The following NRG3 variants were observed in gnomAD, a reference collection of about 807,000 sequenced individuals.
The protein encoded by NRG3 is neuregulin 3.
Under a neutral mutation model 66.9 loss-of-function variants are expected in NRG3, and 31 were observed. That is an observed-to-expected ratio of 0.46 (90% CI 0.35 to 0.63). The LOEUF (loss-of-function observed/expected upper bound fraction) is 0.63. NRG3 is among the 20% of genes least tolerant of loss of function. The probability of loss-of-function intolerance (pLI) is 0.00; values close to 1 mark genes in which losing one functional copy is unlikely to be tolerated. For synonymous variants in NRG3, 393 were observed against 359.4 expected, an observed-to-expected ratio of 1.09 and a Z score of -1.06; for missense variants, 910 against 878.9, an observed-to-expected ratio of 1.04 and a Z score of -0.45.
chr10:82,390,886 A>C (rs2086315364), intron 2 of NRG3, among the ~76,000 whole-genome samples: 1 of 152,200 alleles, frequency 6.6e-6, no homozygotes, highest in Non-Finnish European at 1.5e-5. Context: ...ATATGGGGAC[A>C]GCTCTGATGT....
chr10:82,859,693 A>G (rs1453859367), intron 3 of NRG3, among the ~76,000 whole-genome samples: 1 of 152,206 alleles, frequency 6.6e-6, no homozygotes, highest in Non-Finnish European at 1.5e-5. Context: ...ACTATTGTAC[A>G]ATGCGGCAAC....
chr10:82,303,095 T>C (rs2080500748), intron 1 of NRG3, among the ~76,000 whole-genome samples: 1 of 150,356 alleles, frequency 6.7e-6, no homozygotes, highest in Non-Finnish European at 1.5e-5. Flanking sequence ...GAAATATCTC[T>C]ATTTTCTTCA....
chr10:82,809,897 C>T (rs1270418736), intron 3 of NRG3, among the ~76,000 whole-genome samples: 2 of 151,288 alleles, frequency 1.3e-5, no homozygotes, highest in Non-Finnish European at 2.9e-5. Context: ...TTAAGATAAT[C>T]TACTGGGTTG....
chr10:82,565,765 T>C (rs529458946), intron 2 of NRG3, among the ~76,000 whole-genome samples: 1 of 152,194 alleles, frequency 6.6e-6, no homozygotes, highest in East Asian at 1.9e-4. Context: ...TTTCACCACC[T>C]TCTAATCTAG....
chr10:81,913,694 G>A (rs979270993), intron 1 of NRG3, among the ~76,000 whole-genome samples: 3 of 152,094 alleles, frequency 2.0e-5, no homozygotes, highest in African/African-American at 7.2e-5. Context: ...AAAGTGCTGG[G>A]ATTACAGGCA....
chr10:82,017,716 T>A (rs1589797473), intron 1 of NRG3, among the ~76,000 whole-genome samples: 1 of 152,366 alleles, frequency 6.6e-6, no homozygotes, highest in East Asian at 1.9e-4. Context: ...TTCATGTGTC[T>A]GTTGGCTGCA....
At chr10:82,121,323 A>G (rs557428994) in intron 1 of NRG3, among the ~76,000 whole-genome samples, 14 of 152,290 alleles carry the variant, frequency 9.2e-5, no homozygotes, top group African/African-American at 2.4e-4. Context: ...GGCATAGACT[A>G]AGGGACACAT....
chr10:82,029,450 A>G (rs2062464484), intron 1 of NRG3, among the ~76,000 whole-genome samples: 1 of 152,128 alleles, frequency 6.6e-6, no homozygotes, highest in Non-Finnish European at 1.5e-5. Context: ...GGTTGTGGTT[A>G]TCTTGCAATA....
intron 2 of NRG3, among the ~76,000 whole-genome samples, chr10:82,692,251 CAAA>C (rs11323182): frequency 1.2e-4 from 15 of 120,748 alleles, no homozygotes; most frequent in African/African-American, 1.3e-4. Flanking sequence ...GATTCCATCT[CAAA>C]AAAAAAAAAA....
chr10:82,498,227 A>G (rs1379217696), intron 2 of NRG3, among the ~76,000 whole-genome samples: 1 of 152,118 alleles, frequency 6.6e-6, no homozygotes, highest in African/African-American at 2.4e-5. Flanking sequence ...GCTGTGAAAA[A>G]AAATCCATCA....
At chr10:81,909,274 C>A (rs527419515) in intron 1 of NRG3, among the ~76,000 whole-genome samples, 14 of 152,230 alleles carry the variant, frequency 9.2e-5, no homozygotes, top group Admixed American at 8.5e-4. Flanking sequence ...GGGTTTAAGG[C>A]CCATTCTACT....
intron 1 of NRG3, among the ~76,000 whole-genome samples, chr10:82,167,800 A>G (rs2133052795): frequency 6.6e-6 from 1 of 152,192 alleles, no homozygotes; most frequent in South Asian, 2.1e-4. Flanking sequence ...AAAAACTCCA[A>G]ATACATAAAG....
intron 2 of NRG3, among the ~76,000 whole-genome samples, chr10:82,471,209 T>C (rs954569021): frequency 6.6e-6 from 1 of 152,188 alleles, no homozygotes; most frequent in Non-Finnish European, 1.5e-5. Context: ...GCAAGAGTCC[T>C]GCAAGTAGAC....
In NRG3 at chr10:82,374,445, TA is replaced by T. The variant is rs555233589; in HGVS notation, c.953+15580del. ...TAAGAATCACCAAAGGCCATGGTTA[TA>T]AATATAGATTCTCAAGATCTTCCTC... On this transcript the variant is annotated intron_variant, in intron 2 of 8. Coordinates refer to ENST00000372141, the MANE Select transcript of NRG3 (RefSeq NM_001010848.4). 7.8e-4 allele frequency among the ~76,000 whole-genome samples: 119 copies of T among 152,342 alleles called. 1 individual carries two copies. The highest frequency in any genetic ancestry group is 2.8e-3 in the African/African-American group (115 of 41,572).
chr10:82,071,895 T>A (rs2064826424), intron 1 of NRG3, among the ~76,000 whole-genome samples: 1 of 152,204 alleles, frequency 6.6e-6, no homozygotes, highest in South Asian at 2.1e-4. Flanking sequence ...AAATTTTATA[T>A]TGTTTGAATG....
At chr10:82,513,199 A>G (rs1845355084) in intron 2 of NRG3, among the ~76,000 whole-genome samples, 1 of 152,210 alleles carries the variant, frequency 6.6e-6, no homozygotes, top group African/African-American at 2.4e-5. Flanking sequence ...AAGTGAGAAC[A>G]TGCAGTATTT....
chr10:82,468,439 A>G (rs988615306), intron 2 of NRG3, among the ~76,000 whole-genome samples: 1 of 152,232 alleles, frequency 6.6e-6, no homozygotes, highest in Non-Finnish European at 1.5e-5. Context: ...ATGAGATTAC[A>G]TATGAGAGAC....
rs149125379 is a variant in NRG3 at position 82,426,556 on chromosome 10, GC to G, written c.953+67689del. Among the ~76,000 whole-genome samples, 806 of 147,680 alleles carry G rather than the reference GC, an allele frequency of 5.5e-3. 9 individuals are homozygous for G. The highest frequency in any genetic ancestry group is 0.019 in the African/African-American group (782 of 40,502). ...ACAGGAAATGGATGACAGCTTTCAAGCTTTTTACCTTTTGGACTGAAAGTTG... is the reference window on the plus strand; with the variant it reads ...ACAGGAAATGGATGACAGCTTTCAAGTTTTTACCTTTTGGACTGAAAGTTG... On this transcript the variant is annotated intron_variant, in intron 2 of 8. Transcript: ENST00000372141.
chr10:82,245,986 T>C (rs80175643), intron 1 of NRG3, among the ~76,000 whole-genome samples: 2 of 147,206 alleles, frequency 1.4e-5, no homozygotes, highest in Non-Finnish European at 1.5e-5. Flanking sequence ...TGGTTTTTTT[T>C]TTTTTTTTTT....
Sources: gnomAD v4.1 joint callset for allele counts (sites outside exome capture counted in the v4.1 genomes callset) on GRCh38, gnomAD v4.1.1 for gene constraint, MANE v1.5 for transcripts, NCBI Gene and HGNC (gene_info 2026-07-23, HGNC 2026-07-21) for gene names.